The following TSPAN9 variants were observed in gnomAD, a reference collection of about 807,000 sequenced individuals.
The protein encoded by TSPAN9 is tetraspanin 9, also known as tetraspanin-9.
In TSPAN9, 16 loss-of-function variants were observed where a neutral mutation model predicts 31.0. That is an observed-to-expected ratio of 0.52 (90% CI 0.35 to 0.78). TSPAN9 has a LOEUF of 0.78. Ranked by LOEUF, TSPAN9 falls within the 30% of genes least tolerant of loss-of-function variation. TSPAN9 has a pLI of 0.01. For missense variants in TSPAN9, 272 were observed against 312.5 expected (o/e 0.87, Z 0.98); for synonymous variants, 145 against 121.6 (o/e 1.19, Z -1.27).
In TSPAN9 at chr12:3,108,629, A is replaced by G. The variant is rs536095893; in HGVS notation, c.-18+24910A>G. On this transcript the variant is annotated intron_variant, in intron 2 of 8. Coordinates refer to ENST00000011898, the MANE Select transcript of TSPAN9 (RefSeq NM_006675.5). ...GAAATTTTCTTGAGTTACTTCACTG[A>G]TGGTCTCCTTCCCCCGTTTTCTCCT... is the stretch of plus-strand genomic sequence containing the variant. Among the ~76,000 whole-genome samples, 85 of 152,258 alleles carry G rather than the reference A, an allele frequency of 5.6e-4. 1 individual carries two copies. In the South Asian group the frequency reaches 0.011, roughly 20 times the overall value.
At chr12:3,233,755 A>G (rs2098391982) in intron 3 of TSPAN9, among the ~76,000 whole-genome samples, 1 of 152,188 alleles carries the variant, frequency 6.6e-6, no homozygotes, top group Non-Finnish European at 1.5e-5. Context: ...TAGTTCCTCT[A>G]TGGCATACAC....
At chr12:3,233,889 G>A (rs531314232) in intron 3 of TSPAN9, among the ~76,000 whole-genome samples, 1 of 152,326 alleles carries the variant, frequency 6.6e-6, no homozygotes, top group East Asian at 1.9e-4. Context: ...GTCCTAGCCT[G>A]AGTAGCAGCC....
At chr12:3,084,998 G>T (rs2098299718) in intron 2 of TSPAN9, among the ~76,000 whole-genome samples, 2 of 152,208 alleles carry the variant, frequency 1.3e-5, no homozygotes. Flanking sequence ...CATTCTTGCA[G>T]CTCTGGGATT....
chr12:3,133,949 CT>C (rs909648167), intron 2 of TSPAN9, among the ~76,000 whole-genome samples: 3 of 152,180 alleles, frequency 2.0e-5, no homozygotes, highest in Admixed American at 1.3e-4. Context: ...TTGAACCCCC[CT>C]GGGTCTCAGT....
chr12:3,196,739 T>C (rs12372425), intron 2 of TSPAN9, among the ~76,000 whole-genome samples: 29,306 of 152,198 alleles, frequency 0.19, 3,574 homozygotes, highest in South Asian at 0.28. Flanking sequence ...AACTGTTGCA[T>C]TGCAGCCTCC....
At chr12:3,256,671 C>T (rs1170532920) in intron 3 of TSPAN9, among the ~76,000 whole-genome samples, 1 of 152,124 alleles carries the variant, frequency 6.6e-6, no homozygotes, top group African/African-American at 2.4e-5. Context: ...CCCAGCGGCG[C>T]CCCTGATCTT....
chr12:3,257,233 C>T (rs1001149805), intron 3 of TSPAN9, among the ~76,000 whole-genome samples: 4 of 151,742 alleles, frequency 2.6e-5, no homozygotes, highest in African/African-American at 9.7e-5. Flanking sequence ...GGTTTCTAGT[C>T]CTGCTTTCTC....
chr12:3,188,155 C>T (rs1430061088), intron 2 of TSPAN9, among the ~76,000 whole-genome samples: 2 of 152,158 alleles, frequency 1.3e-5, no homozygotes, highest in East Asian at 3.8e-4. Context: ...AAAGTAGTTT[C>T]CCAGACACTG....
chr12:3,174,651 C>T (rs2098354028), intron 2 of TSPAN9, among the ~76,000 whole-genome samples: 1 of 152,118 alleles, frequency 6.6e-6, no homozygotes, highest in African/African-American at 2.4e-5. Flanking sequence ...GGCGCGATCT[C>T]CGCTCACTGC....
intron 3 of TSPAN9, among the ~76,000 whole-genome samples, chr12:3,273,634 A>G (rs1012547883): frequency 6.6e-6 from 1 of 152,200 alleles, no homozygotes; most frequent in Non-Finnish European, 1.5e-5. Context: ...CACCACAGAC[A>G]GGCCTTGCCT....
At chr12:3,152,058 CTG>C (rs1180930039) in intron 2 of TSPAN9, among the ~76,000 whole-genome samples, 2 of 152,260 alleles carry the variant, frequency 1.3e-5, no homozygotes, top group African/African-American at 4.8e-5. Context: ...GCAGACAACT[CTG>C]AGGAATTTTT....
intron 3 of TSPAN9, among the ~76,000 whole-genome samples, chr12:3,235,443 C>T (rs1476916986): frequency 6.6e-6 from 1 of 151,082 alleles, no homozygotes; most frequent in East Asian, 1.9e-4. Flanking sequence ...CCAATGTCTT[C>T]TCAGCTTCCT....
chr12:3,142,882 T>A (rs1361436303), intron 2 of TSPAN9, among the ~76,000 whole-genome samples: 5 of 152,260 alleles, frequency 3.3e-5, no homozygotes, highest in African/African-American at 1.2e-4. Flanking sequence ...GCCCTTTTTC[T>A]GTACCAGGAG....
rs974643320 is a variant in TSPAN9, at chr12:3,083,679, G to A, written c.-58G>A. 1.2e-4 allele frequency: 18 copies of A among 152,212 alleles called. No individual in the cohort carries two copies. The highest frequency in any genetic ancestry group is 4.3e-4 in the African/African-American group (18 of 41,448). 9.4% of individuals were successfully genotyped at this position (152,212 alleles called of 1,614,324 possible). A position where few individuals can be genotyped will look rare whatever the true frequency, so the allele number is the denominator to read the frequency against. On this transcript the variant is annotated 5_prime_UTR_variant, in exon 2 of 9. Coordinates refer to ENST00000011898, the MANE Select transcript of TSPAN9 (RefSeq NM_006675.5). ...AATATCCTGGAACCTTCTTTTGTTT[G>A]TCAGCAGCCAAGGTGTTTCCAGGAA... is the stretch of plus-strand genomic sequence containing the variant.
chr12:3,212,267 G>C (rs1480155040), intron 3 of TSPAN9, among the ~76,000 whole-genome samples: 1 of 152,076 alleles, frequency 6.6e-6, no homozygotes, highest in Non-Finnish European at 1.5e-5. Context: ...ACCATGACCG[G>C]CTTATCTTTA....
In TSPAN9 at chr12:3,160,326, G is replaced by A. The variant is rs568221430; in HGVS notation, c.-17-40851G>A. Among the ~76,000 whole-genome samples, 9 of 152,216 alleles carry A rather than the reference G, an allele frequency of 5.9e-5. No homozygotes were observed. In the South Asian group the frequency reaches 1.7e-3, roughly 28 times the overall value. On this transcript the variant is annotated intron_variant, in intron 2 of 8. Transcript: ENST00000011898. The stretch of plus-strand genomic sequence containing the variant: ...ATATTTCATTCCATGGGTATGCTAC[G>A]TTTTGTTTATCCATTCATCACTTGA...
Position 3,083,451 on chromosome 12 carries a change from C to T in TSPAN9, c.-84-202C>T, listed in dbSNP as rs79361717. ...GCTGGGCCAGGGCTTGGGTTCTGCT[C>T]ATAATGCCTTGGGTACCCACCGCCA... On this transcript the variant is annotated intron_variant, in intron 1 of 8. Coordinates refer to ENST00000011898, the MANE Select transcript of TSPAN9 (RefSeq NM_006675.5). Among the ~76,000 whole-genome samples the T allele has an allele frequency of 2.6e-3, 396 of 152,322 alleles. 2 individuals carry two copies. The highest frequency in any genetic ancestry group is 9.0e-3 in the African/African-American group (373 of 41,572).
chr12:3,144,787 CAG>C (rs990842606), intron 2 of TSPAN9, among the ~76,000 whole-genome samples: 5 of 152,228 alleles, frequency 3.3e-5, no homozygotes, highest in African/African-American at 1.2e-4. Flanking sequence ...GAAGTGAACA[CAG>C]AGGCTAGTGC....
chr12:3,174,718 G>A (rs1018181336), intron 2 of TSPAN9, among the ~76,000 whole-genome samples: 4 of 149,926 alleles, frequency 2.7e-5, no homozygotes, highest in African/African-American at 7.3e-5. Context: ...GAGTAGCTGG[G>A]ACTACAGGCG....
Sources: allele counts gnomAD v4.1 joint callset (sites outside exome capture counted in the v4.1 genomes callset), GRCh38; gene constraint gnomAD v4.1.1; transcripts MANE v1.5; gene names NCBI Gene and HGNC (gene_info 2026-07-23, HGNC 2026-07-21).